Variants in LIMCH1 observed in about 807,000 individuals in gnomAD.
LIMCH1 encodes the protein LIM and calponin homology domains-containing protein 1.
LIMCH1 carries 113 observed loss-of-function variants against 176.5 expected under a neutral mutation model. The ratio of observed to expected loss-of-function variants is 0.64; its 90% confidence interval spans 0.55 to 0.75. LIMCH1 has a LOEUF of 0.75. Ranked by LOEUF, LIMCH1 falls within the 30% of genes least tolerant of loss-of-function variation. The pLI is 0.00. For synonymous variants in LIMCH1, 619 were observed against 645.9 expected (o/e 0.96, Z 0.63); for missense variants, 1,674 against 1,814.9 (o/e 0.92, Z 1.41).
chr4:41,625,430 T>A (rs371331085), intron 7 of LIMCH1, among the ~76,000 whole-genome samples: 2 of 152,182 alleles, frequency 1.3e-5, no homozygotes, highest in African/African-American at 4.8e-5. Flanking sequence ...CTTATACATA[T>A]TATTTATTAT....
chr4:41,371,943 G>C (rs1232245430), intron 1 of LIMCH1, among the ~76,000 whole-genome samples: 2 of 152,230 alleles, frequency 1.3e-5, no homozygotes, highest in Non-Finnish European at 2.9e-5. Context: ...GGTGCAAGTT[G>C]CGATGGTTCA....
intron 1 of LIMCH1, among the ~76,000 whole-genome samples, chr4:41,465,166 G>T (rs986023091): frequency 1.3e-5 from 2 of 152,110 alleles, no homozygotes; most frequent in African/African-American, 2.4e-5. Context: ...TCCTGCTGGC[G>T]TCTATTTTTT....
chr4:41,404,160 A>G (rs186385716), intron 1 of LIMCH1, among the ~76,000 whole-genome samples: 31 of 152,256 alleles, frequency 2.0e-4, no homozygotes, highest in African/African-American at 6.7e-4. Flanking sequence ...TATATATCCA[A>G]TGTGGATTGG....
chr4:41,625,601 A>G (rs2092896234), intron 7 of LIMCH1, among the ~76,000 whole-genome samples: 1 of 152,198 alleles, frequency 6.6e-6, no homozygotes, highest in African/African-American at 2.4e-5. Context: ...ATAGCCAATG[A>G]TACGGAAACT....
At chr4:41,419,647 TTCC>T (rs1430402215) in intron 1 of LIMCH1, among the ~76,000 whole-genome samples, 712 of 65,240 alleles carry the variant, frequency 0.011, 27 homozygotes, top group East Asian at 0.046. Flanking sequence ...CCTTCCTTTC[TTCC>T]TCCTTCCTTC....
chr4:41,672,216 A>C (rs2095066193), intron 22 of LIMCH1, among the ~76,000 whole-genome samples: 1 of 152,084 alleles, frequency 6.6e-6, no homozygotes, highest in Admixed American at 6.6e-5. Context: ...CTGAAAACAC[A>C]AAAATTAGCT....
At chr4:41,653,576 AC>A (rs1286729508) in intron 18 of LIMCH1, among the ~76,000 whole-genome samples, 1 of 152,186 alleles carries the variant, frequency 6.6e-6, no homozygotes, top group Admixed American at 6.5e-5. Flanking sequence ...GAGTAGCTTC[AC>A]CCACCACTAA....
chr4:41,517,535 A>C (rs2075705529), intron 2 of LIMCH1, among the ~76,000 whole-genome samples: 1 of 152,154 alleles, frequency 6.6e-6, no homozygotes, highest in African/African-American at 2.4e-5. Context: ...AGTGTGACCT[A>C]TATTTCACAC....
intron 1 of LIMCH1, among the ~76,000 whole-genome samples, chr4:41,433,228 G>C (rs1285188337): frequency 2.0e-5 from 3 of 152,194 alleles, no homozygotes; most frequent in Non-Finnish European, 2.9e-5. Flanking sequence ...GCATTCTTTT[G>C]AAATGGCTGC....
At chr4:41,650,995 C>CTATTTTATTTTATTTTATTT (rs751238492) in intron 18 of LIMCH1, among the ~76,000 whole-genome samples, 4,959 of 150,882 alleles carry the variant, frequency 0.033, 130 homozygotes, top group African/African-American at 0.059. Context: ...TCAGATTTCC[C>CTATTTTATTTTATTTTATTT]TATTTTATTT....
At chr4:41,563,604 T>C (rs1042938617) in intron 1 of LIMCH1, among the ~76,000 whole-genome samples, 1 of 152,168 alleles carries the variant, frequency 6.6e-6, no homozygotes, top group African/African-American at 2.4e-5. Flanking sequence ...TACTGAGAAA[T>C]TCTGGGAAAC....
intron 31 of LIMCH1, among the ~76,000 whole-genome samples, chr4:41,693,584 TATATC>T (rs1428931127): frequency 4.0e-5 from 6 of 150,272 alleles, no homozygotes; most frequent in Non-Finnish European, 4.4e-5. Context: ...TAGTATACCA[TATATC>T]ATAAATATAT....
At chr4:41,468,362 T>TCCCTCCCTCCCC (rs2066464909) in intron 1 of LIMCH1, among the ~76,000 whole-genome samples, 1 of 45,254 alleles carries the variant, frequency 2.2e-5, no homozygotes, top group Non-Finnish European at 4.2e-5. Context: ...CCTCCCTCCC[T>TCCCTCCCTCCCC]CCCTCCCCCT....
At chr4:41,462,698 A>G (rs918223821) in intron 1 of LIMCH1, among the ~76,000 whole-genome samples, 2 of 152,226 alleles carry the variant, frequency 1.3e-5, no homozygotes, top group Non-Finnish European at 2.9e-5. Context: ...ACCCAAAACC[A>G]CAAAGCAATT....
In LIMCH1 at chr4:41,671,592, C is replaced by CCTG. The variant is rs1560318241; in HGVS notation, c.3437_3438+1dup. On this transcript the variant is annotated inframe_insertion and splice_region_variant, in exon 22 of 32. Coordinates refer to ENST00000503057, the MANE Select transcript of LIMCH1 (RefSeq NM_001330672.2). The stretch of plus-strand genomic sequence containing the variant: ...CAGTGAGAAGTCACCTGTTATGACA[C>CCTG]CTGTAAGTCACTCATTTTAAGGAAT... The CCTG allele has an allele frequency of 6.3e-7, 1 of 1,578,360 alleles. No homozygotes were observed. Among genetic ancestry groups the CCTG allele is most frequent in the Admixed American group, 1.7e-5 (1 of 59,886 alleles).
At chr4:41,684,000 C>A (rs1718478296) in intron 26 of LIMCH1, among the ~76,000 whole-genome samples, 1 of 152,156 alleles carries the variant, frequency 6.6e-6, no homozygotes, top group Admixed American at 6.5e-5. Context: ...TTCCTTTTAT[C>A]TCCTCCATCT....
At chr4:41,399,683 C>CTTTTTTTTT (rs1353461851) in intron 1 of LIMCH1, among the ~76,000 whole-genome samples, 2 of 19,750 alleles carry the variant, frequency 1.0e-4, no homozygotes, top group African/African-American at 5.2e-4. Context: ...GAGGTGGATA[C>CTTTTTTTTT]TCTTTTTTTT....
Position 41,488,731 on chromosome 4 carries a change from A to G in LIMCH1, c.97-5805A>G, listed in dbSNP as rs184728110. On this transcript the variant is annotated intron_variant, in intron 1 of 26. Transcript: ENST00000313860. ...TATTGAAAAATTTAAAAAGTAAAGT[A>G]AAAGTCATATATGATTCCATTGTGA... 4.3e-3 allele frequency among the ~76,000 whole-genome samples: 655 copies of G among 152,308 alleles called. 1 individual carries two copies. Among genetic ancestry groups the G allele is most frequent in the African/African-American group, 9.1e-3 (380 of 41,584 alleles).
intron 1 of LIMCH1, among the ~76,000 whole-genome samples, chr4:41,411,921 C>T (rs1038205696): frequency 2.4e-5 from 3 of 122,924 alleles, no homozygotes; most frequent in Non-Finnish European, 4.8e-5. Flanking sequence ...CTCTGCACTG[C>T]ACTACAGCCT....
Sources: gnomAD v4.1 joint callset for allele counts (sites outside exome capture counted in the v4.1 genomes callset) on GRCh38, gnomAD v4.1.1 for gene constraint, MANE v1.5 for transcripts, NCBI Gene and HGNC (gene_info 2026-07-23, HGNC 2026-07-21) for gene names.